Variants in VWC2L observed in about 807,000 individuals in gnomAD.
VWC2L encodes the protein von Willebrand factor C domain-containing protein 2-like.
VWC2L carries 10 observed loss-of-function variants against 21.6 expected under a neutral mutation model. The ratio of observed to expected loss-of-function variants is 0.46; its 90% CI spans 0.29 to 0.78. The LOEUF is 0.78. Among genes scored for constraint, VWC2L ranks in the 30% least tolerant of loss-of-function variants. VWC2L has a pLI of 0.10. For synonymous variants in VWC2L, 96 were observed against 94.3 expected, an observed-to-expected ratio of 1.02 and a Z score of -0.10; for missense variants, 209 against 277.1, an observed-to-expected ratio of 0.75 and a Z score of 1.74.
intron 3 of VWC2L, among the ~76,000 whole-genome samples, chr2:214,499,910 A>G (rs1026455721): frequency 3.3e-5 from 5 of 152,240 alleles, no homozygotes; most frequent in African/African-American, 1.2e-4. Context: ...AAAAAATGTC[A>G]AAAGTAGGGA....
intron 2 of VWC2L, among the ~76,000 whole-genome samples, chr2:214,425,374 T>A (rs911900171): frequency 1.3e-5 from 2 of 152,204 alleles, no homozygotes; most frequent in African/African-American, 4.8e-5. Context: ...TTTAAATGTA[T>A]ACATACTTAA....
chr2:214,560,532 A>G (rs188833039), intron 3 of VWC2L, among the ~76,000 whole-genome samples: 2 of 152,218 alleles, frequency 1.3e-5, no homozygotes, highest in African/African-American at 4.8e-5. Flanking sequence ...AAATTTTTTC[A>G]TCAAGGAACT....
chr2:214,497,690 A>C, intron 3 of VWC2L, among the ~76,000 whole-genome samples: 1 of 152,210 alleles, frequency 6.6e-6, no homozygotes, highest in Non-Finnish European at 1.5e-5. Context: ...TGCATCCAAA[A>C]ACCTGCAGTG....
At chr2:214,497,840 G>A (rs984247101) in intron 3 of VWC2L, among the ~76,000 whole-genome samples, 1 of 152,168 alleles carries the variant, frequency 6.6e-6, no homozygotes, top group African/African-American at 2.4e-5. Context: ...TCTCTGCTCA[G>A]CCATCTTTCA....
chr2:214,499,207 T>C (rs762581075), intron 3 of VWC2L, among the ~76,000 whole-genome samples: 23 of 151,562 alleles, frequency 1.5e-4, no homozygotes, highest in Non-Finnish European at 3.1e-4. Context: ...TTAGTAGAGA[T>C]GGGTGTTTCA....
intron 2 of VWC2L, among the ~76,000 whole-genome samples, chr2:214,432,620 A>G (rs1574561577): frequency 6.6e-6 from 1 of 151,828 alleles, no homozygotes; most frequent in East Asian, 1.9e-4. Context: ...GCCTAAACCA[A>G]TATTTATGAA....
intron 3 of VWC2L, among the ~76,000 whole-genome samples, chr2:214,481,570 T>A (rs1342864730): frequency 6.6e-6 from 1 of 152,234 alleles, no homozygotes; most frequent in Non-Finnish European, 1.5e-5. Flanking sequence ...TAATCATTGT[T>A]GTTTAAACCC....
chr2:214,486,201 T>A (rs575536080), intron 3 of VWC2L, among the ~76,000 whole-genome samples: 1 of 152,218 alleles, frequency 6.6e-6, no homozygotes, highest in Non-Finnish European at 1.5e-5. Flanking sequence ...GATACTATCA[T>A]TTTTTACAGG....
chr2:214,554,467 C>T (rs764147948), intron 3 of VWC2L, among the ~76,000 whole-genome samples: 28 of 152,020 alleles, frequency 1.8e-4, no homozygotes, highest in South Asian at 4.1e-4. Flanking sequence ...AGTTCAAGAC[C>T]GGCCTGAATA....
At chr2:214,551,841 G>A (rs1238302854) in intron 3 of VWC2L, among the ~76,000 whole-genome samples, 3 of 152,318 alleles carry the variant, frequency 2.0e-5, no homozygotes, top group Non-Finnish European at 4.4e-5. Flanking sequence ...CAAGCTGTCA[G>A]TGATACCCAT....
chr2:214,473,724 G>A (rs1033519286), intron 3 of VWC2L: 1 of 150,050 alleles, frequency 6.7e-6, no homozygotes, highest in Non-Finnish European at 1.5e-5. Flanking sequence ...ATTCCAAGAT[G>A]GCTTCTTATG....
intron 2 of VWC2L, among the ~76,000 whole-genome samples, chr2:214,430,667 T>C (rs753495300): frequency 7.2e-5 from 11 of 152,144 alleles, no homozygotes; most frequent in Non-Finnish European, 8.8e-5. Flanking sequence ...TCAACAAAAA[T>C]GAAATGTTTT....
chr2:214,561,348 G>A (rs1474634539), intron 3 of VWC2L, among the ~76,000 whole-genome samples: 2 of 152,062 alleles, frequency 1.3e-5, no homozygotes, highest in Non-Finnish European at 2.9e-5. Flanking sequence ...TTGGCCACCT[G>A]TCATCTCATC....
intron 3 of VWC2L, among the ~76,000 whole-genome samples, chr2:214,505,630 T>C (rs1688956872): frequency 6.6e-6 from 1 of 152,204 alleles, no homozygotes; most frequent in Non-Finnish European, 1.5e-5. Context: ...AATTAAGAAA[T>C]TCATTGGCAT....
rs150235995 is a variant in VWC2L, at chr2:214,442,833, T to C, written c.520+6075T>C. ...AAGCTACATTGCTTATGATTATTAA[T>C]GGGGAAATCTTAAATAAAATACCAT... On this transcript the variant is annotated intron_variant, in intron 3 of 3. Coordinates refer to ENST00000312504, the MANE Select transcript of VWC2L (RefSeq NM_001080500.4). Among the ~76,000 whole-genome samples the C allele has an allele frequency of 7.0e-3, 1,063 of 152,232 alleles. 7 individuals carry two copies. The highest frequency in any genetic ancestry group is 0.011 in the Non-Finnish European group (768 of 67,986).
intron 3 of VWC2L, among the ~76,000 whole-genome samples, chr2:214,457,825 A>C (rs1465720456): frequency 6.6e-6 from 1 of 152,224 alleles, no homozygotes; most frequent in East Asian, 1.9e-4. Context: ...TCACTTGATC[A>C]TGGTGCATTA....
rs375492675 is a variant in VWC2L at position 214,414,215 on chromosome 2, G to T, written c.22G>T (p.Ala8Ser). The T allele has an allele frequency of 1.2e-5, 19 of 1,612,708 alleles. No homozygotes were observed. In the East Asian group the frequency reaches 4.2e-4, roughly 36 times the overall value. The change falls in exon 2 of 4, where the codon GCT (alanine) becomes TCT (serine). Residue 8 changes from alanine (A) to serine (S), a missense_variant. Ala to Ser is a moderately conservative substitution (Grantham distance 99). Transcript: ENST00000312504. ...GGGGATGGCTCTTCATATTCATGAA[G>T]CTTGCATACTTCTGTTGGTCATCCC... MALHIHE[A>S]CILLLVIPGL...
chr2:214,416,283 T>C (rs976242466), intron 2 of VWC2L, among the ~76,000 whole-genome samples: 2 of 152,090 alleles, frequency 1.3e-5, no homozygotes, highest in African/African-American at 2.4e-5. Context: ...AATAACTATG[T>C]TACCATGTCA....
chr2:214,460,717 G>A (rs550366236), intron 3 of VWC2L, among the ~76,000 whole-genome samples: 4 of 151,976 alleles, frequency 2.6e-5, no homozygotes, highest in African/African-American at 7.2e-5. Flanking sequence ...CTTGCATCTC[G>A]CTGAACTTAA....
Sources: allele counts gnomAD v4.1 joint callset (sites outside exome capture counted in the v4.1 genomes callset), GRCh38; gene constraint gnomAD v4.1.1; transcripts MANE v1.5; gene names NCBI Gene and HGNC (gene_info 2026-07-23, HGNC 2026-07-21).